Variants in DNAH17 observed in about 807,000 individuals in gnomAD.
DNAH17 encodes dynein axonemal heavy chain 17.
In DNAH17, 376 loss-of-function variants were observed where a neutral mutation model predicts 485.6. That is an observed-to-expected ratio of 0.77 (90% CI 0.71 to 0.84). The LOEUF is 0.84. DNAH17 is among the 40% of genes least tolerant of loss of function. DNAH17 has a pLI of 0.00. For synonymous variants in DNAH17, 3,031 were observed against 2,405.9 expected (o/e 1.26, Z -7.60); for missense variants, 6,370 against 5,839.3 (o/e 1.09, Z -2.96).
chr17:78,485,375 G>A lies in DNAH17; in HGVS notation c.7483+175C>T, dbSNP rs370485191. On this transcript the variant is annotated intron_variant, in intron 47 of 80. Coordinates refer to ENST00000389840, the MANE Select transcript of DNAH17 (RefSeq NM_173628.4). ...AGGGAGCACCAGAAAGAGGGGTCCCGGCTGCTCCTCCTCTGTCTCCGACTC... is the reference window on the plus strand; with the variant it reads ...AGGGAGCACCAGAAAGAGGGGTCCCAGCTGCTCCTCCTCTGTCTCCGACTC... 6.7e-4 allele frequency among the ~76,000 whole-genome samples: 102 copies of A among 152,198 alleles called. 2 individuals are homozygous for A. Among genetic ancestry groups the A allele is most frequent in the African/African-American group, 2.3e-3 (94 of 41,488 alleles).
rs1451642150 is a variant in DNAH17 at position 78,499,095 on chromosome 17, G to A, written c.5658C>T (p.Tyr1886=). ...QMDYKSCGNI[Y]KGLAQTGAWG... ...AGGCTCCCGTCTGGGCCAGGCCCTTGTAGATATTTCCACAGGACTGGAAAG... is the reference window on the plus strand; with the variant it reads ...AGGCTCCCGTCTGGGCCAGGCCCTTATAGATATTTCCACAGGACTGGAAAG... Residue 1886 remains tyrosine (Y), a synonymous_variant, in exon 37 of 81, where the codon TAC becomes TAT. Transcript: ENST00000389840. The A allele has an allele frequency of 2.5e-6, 4 of 1,602,050 alleles. No individual in the cohort carries two copies. Among genetic ancestry groups the A allele is most frequent in the Non-Finnish European group, 3.4e-6 (4 of 1,174,438 alleles).
At chr17:78,577,026 G>C (rs2092442506) in intron 1 of DNAH17, among the ~76,000 whole-genome samples, 1 of 152,210 alleles carries the variant, frequency 6.6e-6, no homozygotes, top group Admixed American at 6.5e-5. Context: ...GGGGCTAGGG[G>C]CTTCCAGGAG....
Position 78,454,555 on chromosome 17 carries a change from T to A in DNAH17, c.10321A>T (p.Ile3441Phe). 1 of 1,612,958 alleles carries A rather than the reference T, an allele frequency of 6.2e-7. No individual in the cohort carries two copies. Among genetic ancestry groups the A allele is most frequent in the Non-Finnish European group, 8.5e-7 (1 of 1,179,826 alleles). The change falls in exon 64 of 81, where the codon ATC (isoleucine) becomes TTC (phenylalanine). Residue 3441 changes from isoleucine to phenylalanine, a missense_variant. Transcript: ENST00000389840. ...ILGNTERWPL[I>F]VDAQLQGIKW... ...ATTCCTTGGAGCTGGGCGTCCACGA[T>A]CAGCGGCCACCGCTCGGTGTTGCCC... is the stretch of plus-strand genomic sequence containing the variant.
At chr17:78,475,557 G>A (rs976421675) in intron 53 of DNAH17, 88 bp from the exon 54 acceptor site, 2 of 1,601,744 alleles carry the variant, frequency 1.2e-6, no homozygotes, top group African/African-American at 2.7e-5. Flanking sequence ...GCTGAGGTGT[G>A]CACTGTGTGC....
rs527861500 is a variant in DNAH17 at position 78,507,712 on chromosome 17, C to G, written c.4330G>C (p.Val1444Leu). 6.2e-7 allele frequency: 1 copy of G among 1,607,770 alleles called. No homozygotes were observed. Among genetic ancestry groups the G allele is most frequent in the South Asian group, 1.1e-5 (1 of 90,884 alleles). ...TGTMMLKSSE[V>L]LVETLEDNQV... ...TTGTCCTCCAGCGTCTCCACCAGCA[C>G]CTCGCTGGACTTGAGCATCATGGTG... Residue 1444 changes from valine to leucine, a missense_variant, in exon 28 of 81, where the codon GTG (valine) becomes CTG (leucine). Transcript: ENST00000389840.
Position 78,569,214 on chromosome 17 carries a change from A to G in DNAH17, c.1236T>C (p.Leu412=). 2 of 1,609,648 alleles carry G rather than the reference A, an allele frequency of 1.2e-6. No homozygotes were observed. Among genetic ancestry groups the G allele is most frequent in the Non-Finnish European group, 1.7e-6 (2 of 1,177,990 alleles). Residue 412 remains leucine (L), a synonymous_variant, in exon 9 of 81, where the codon CTT becomes CTC. Coordinates refer to ENST00000389840, the MANE Select transcript of DNAH17 (RefSeq NM_173628.4). ...EPVPWEFPSS[L]AFSRINSFFQ... is the part of the protein sequence containing the mutation. ...AGAAGGAATTTATCCTGGAAAAGGCAAGAGAAGAAGGGAATTCCCAAGGCA... is the reference window on the plus strand; with the variant it reads ...AGAAGGAATTTATCCTGGAAAAGGCGAGAGAAGAAGGGAATTCCCAAGGCA...
chr17:78,530,274 A>G, intron 21 of DNAH17, 69 bp downstream of exon 21: 3 of 1,474,126 alleles, frequency 2.0e-6, no homozygotes, highest in Non-Finnish European at 2.7e-6. Flanking sequence ...CCACCCACTC[A>G]AGTGGAAGGC....
intron 6 of DNAH17, 76 bp downstream of exon 6, chr17:78,570,872 A>AG (rs1555697971): frequency 9.9e-5 from 79 of 794,300 alleles, no homozygotes; most frequent in African/African-American, 6.6e-4. Flanking sequence ...AAAAAAAAAA[A>AG]AAAAAAGAAA....
intron 16 of DNAH17, among the ~76,000 whole-genome samples, chr17:78,549,094 G>A (rs979067267): frequency 6.6e-6 from 1 of 152,212 alleles, no homozygotes; most frequent in Non-Finnish European, 1.5e-5. Context: ...TGAGTGTTAT[G>A]AACTGCACGT....
chr17:78,545,729 C>T (rs118182942), intron 16 of DNAH17, among the ~76,000 whole-genome samples: 1,590 of 152,230 alleles, frequency 0.01, 11 homozygotes, highest in Non-Finnish European at 0.017. Context: ...ATTACATTTG[C>T]GTTCTGCCCA....
chr17:78,539,205 G>A (rs1032683640), intron 18 of DNAH17, among the ~76,000 whole-genome samples: 18 of 152,032 alleles, frequency 1.2e-4, no homozygotes, highest in African/African-American at 4.1e-4. Context: ...ACTCCAGCCT[G>A]GGCAACAGAG....
Position 78,428,508 on chromosome 17 carries a change from A to G in DNAH17, c.12588+17T>C, listed in dbSNP as rs1169931850. 6.3e-7 allele frequency: 1 copy of G among 1,579,650 alleles called. No individual in the cohort carries two copies. The highest frequency in any genetic ancestry group is 1.4e-5 in the African/African-American group (1 of 74,060). On this transcript the variant is annotated intron_variant, in intron 77 of 80. Transcript: ENST00000389840. ...CTCCCCCTTCCTCTCGCTTGGGAGC[A>G]GTTTCAAAGATCCTGCCTTCTCCTC...
chr17:78,484,875 G>T lies in DNAH17; in HGVS notation c.7642C>A (p.Arg2548=), dbSNP rs185564764. ...GGCCCCGCCCCGTCTAACCAGTGCC[G>T]GTGGTCCATGTGCTGCCGGATGAGG... The part of the protein sequence containing the change: ...HTLIRQHMDH[R]HWYDRHKLTL... The change falls in exon 48 of 81, where the codon CGG becomes AGG. Residue 2548 remains arginine, a synonymous_variant. Coordinates refer to ENST00000389840, the MANE Select transcript of DNAH17 (RefSeq NM_173628.4). 8.7e-4 allele frequency: 1,356 copies of T among 1,561,538 alleles called. 10 individuals carry two copies. The African/African-American group carries it at 0.014, about 17-fold the overall frequency.
intron 80 of DNAH17, 38 bp from the exon 81 acceptor site, chr17:78,424,191 C>CAGTA: frequency 6.3e-7 from 1 of 1,576,738 alleles, no homozygotes; most frequent in Non-Finnish European, 8.6e-7. Flanking sequence ...GGTGTGCTGC[C>CAGTA]AGTAAGTGAG....
At chr17:78,454,744 G>C in intron 63 of DNAH17, 39 bp from the exon 64 acceptor site, 1 of 1,535,696 alleles carries the variant, frequency 6.5e-7, no homozygotes, top group Non-Finnish European at 8.9e-7. Flanking sequence ...GGGGTAATGC[G>C]ACCTTATTAC....
chr17:78,493,590 T>G (rs1396880781), intron 41 of DNAH17, among the ~76,000 whole-genome samples: 2 of 152,148 alleles, frequency 1.3e-5, no homozygotes, highest in East Asian at 3.8e-4. Context: ...TCTCAAACAA[T>G]AGCAGAAGGG....
chr17:78,437,649 A>G lies in DNAH17; in HGVS notation c.12025T>C (p.Phe4009Leu), dbSNP rs1002193511. 6.8e-6 allele frequency: 11 copies of G among 1,606,178 alleles called. No homozygotes were observed. The highest frequency in any genetic ancestry group is 9.4e-6 in the Non-Finnish European group (11 of 1,175,934). Residue 4009 changes from phenylalanine to leucine, a missense_variant, in exon 74 of 81, where the codon TTC (phenylalanine) becomes CTC (leucine). Physicochemically the swap from Phe to Leu is conservative, Grantham distance 22. Coordinates refer to ENST00000389840, the MANE Select transcript of DNAH17 (RefSeq NM_173628.4). The stretch of plus-strand genomic sequence containing the variant: ...AGCAGGCGTGGCCCTACCTGGGTGA[A>G]CAGGTCCAGGGCCTTGTGCAAGTTG... ...HANLHKALDL[F>L]TQDTLEMCTK...
At chr17:78,566,927 C>A in intron 10 of DNAH17, 72 bp downstream of exon 10, 1 of 1,526,456 alleles carries the variant, frequency 6.6e-7, no homozygotes, top group South Asian at 1.3e-5. Context: ...TCCCATCACA[C>A]CCCTAAGCTG....
At chr17:78,576,562 A>C (rs1004669139) in intron 1 of DNAH17, among the ~76,000 whole-genome samples, 11 of 152,080 alleles carry the variant, frequency 7.2e-5, no homozygotes, top group African/African-American at 2.7e-4. Flanking sequence ...CTGCTGAATT[A>C]ATCTCCACCC....
Sources: gnomAD v4.1 joint callset for allele counts (sites outside exome capture counted in the v4.1 genomes callset) on GRCh38, gnomAD v4.1.1 for gene constraint, MANE v1.5 for transcripts, NCBI Gene and HGNC (gene_info 2026-07-23, HGNC 2026-07-21) for gene names.